TP73: variants seen among roughly 807,000 people sequenced by gnomAD.
The protein encoded by TP73 is p53-like transcription factor.
Under a neutral mutation model 62.5 loss-of-function variants are expected in TP73, and 25 were observed. The ratio of observed to expected loss-of-function variants is 0.40; its 90% CI spans 0.29 to 0.56. The LOEUF (loss-of-function observed/expected upper bound fraction) is 0.56, where lower values mean the gene tolerates loss of function less well. TP73 is among the 20% of genes least tolerant of loss of function. The pLI, the probability that TP73 is intolerant of heterozygous loss-of-function variation, is 0.46. For synonymous variants in TP73, 423 were observed against 377.5 expected, an observed-to-expected ratio of 1.12 and a Z score of -1.40; for missense variants, 754 against 913.3, an observed-to-expected ratio of 0.83 and a Z score of 2.25.
chr1:3,731,435 T>C (rs541106355), intron 12 of TP73, 28 bp from the exon 13 acceptor site: 5 of 1,603,552 alleles, frequency 3.1e-6, no homozygotes, highest in Admixed American at 1.7e-5. Context: ...AAGCTAATGC[T>C]GCTTCCTTTC....
rs1473763387 is a variant in TP73 at position 3,672,515 on chromosome 1, T to C, written c.-33-9818T>C. Among the ~76,000 whole-genome samples, 1 of 152,046 alleles carries C rather than the reference T, an allele frequency of 6.6e-6. No homozygotes were observed. Among genetic ancestry groups the C allele is most frequent in the Non-Finnish European group, 1.5e-5 (1 of 67,990 alleles). ...ACCTGCCCTGCTGAGGGCAGCGCTG[T>C]ACTCATCACCTGTGAACACAGGTAT... is the stretch of plus-strand genomic sequence containing the variant. On this transcript the variant is annotated intron_variant, in intron 1 of 13. Coordinates refer to ENST00000378295, the MANE Select transcript of TP73 (RefSeq NM_005427.4). This position sits in a 1 kb window ranked among gnomAD's most constrained non-coding sequence, Gnocchi z 5.3.
intron 3 of TP73, among the ~76,000 whole-genome samples, chr1:3,687,734 C>CA (rs1225005803): frequency 1.3e-5 from 2 of 152,132 alleles, no homozygotes; most frequent in Non-Finnish European, 2.9e-5. Flanking sequence ...GAGCCTCCTC[C>CA]AGGGCTGGCC....
intron 1 of TP73, among the ~76,000 whole-genome samples, chr1:3,677,057 T>TCAGA (rs1318333945): frequency 1.5e-4 from 23 of 152,074 alleles, no homozygotes; most frequent in Admixed American, 1.2e-3. Flanking sequence ...CGAGAAGTCA[T>TCAGA]CAGAGAGCCT....
intron 11 of TP73, 76 bp from the exon 12 acceptor site, chr1:3,730,851 G>A (rs1642080724): frequency 1.3e-6 from 2 of 1,494,650 alleles, no homozygotes; most frequent in Non-Finnish European, 1.8e-6. Context: ...GTCCAGAGGT[G>A]TCTGGAGCCT....
rs1276905108 is a variant in TP73 at position 3,707,707 on chromosome 1, C to T, written c.345C>T (p.Ile115=). The T allele has an allele frequency of 1.2e-6, 2 of 1,613,314 alleles. No homozygotes were observed. The highest frequency in any genetic ancestry group is 2.2e-5 in the South Asian group (2 of 91,086). Residue 115 remains isoleucine (I), a synonymous_variant, in exon 4 of 14, where the codon ATC becomes ATT. Transcript: ENST00000378295. ...ACACCATGTCGCCGGCGCCTGTCAT[C>T]CCCTCCAACACCGACTACCCCGGAC... is the stretch of plus-strand genomic sequence containing the variant. The part of the protein sequence containing the change: ...TFDTMSPAPV[I]PSNTDYPGPH...
At chr1:3,681,558 GGCAGTGGCCGGCT>G (rs1645521254) in intron 1 of TP73, among the ~76,000 whole-genome samples, 1 of 152,198 alleles carries the variant, frequency 6.6e-6, no homozygotes, top group Non-Finnish European at 1.5e-5. Context: ...TGACCACCCA[GGCAGTGGCCGGCT>G]GCAGGACAGG....
rs111753416 is a variant in TP73, at chr1:3,667,529, T to C, written c.-33-14804T>C. On this transcript the variant is annotated intron_variant, in intron 1 of 13. Transcript: ENST00000378295. ...ACTTTGGGAGGCCGAGGCGGGTGGA[T>C]CATGAGGTCAGAAGATTGAAACTAT... 2.3e-3 allele frequency among the ~76,000 whole-genome samples: 355 copies of C among 152,208 alleles called. 2 individuals are homozygous for C. Among genetic ancestry groups the C allele is most frequent in the African/African-American group, 8.2e-3 (340 of 41,558 alleles).
intron 3 of TP73, among the ~76,000 whole-genome samples, chr1:3,705,989 C>A (rs1639593059): frequency 6.6e-6 from 1 of 152,224 alleles, no homozygotes; most frequent in African/African-American, 2.4e-5. Flanking sequence ...CCCCTGCACC[C>A]TCCTGTGCGG....
chr1:3,730,039 G>A lies in TP73; in HGVS notation c.1236G>A (p.Ser412=), dbSNP rs375227747. The change falls in exon 11 of 14, where the codon TCG becomes TCA. Residue 412 remains serine, a synonymous_variant. Coordinates refer to ENST00000378295, the MANE Select transcript of TP73 (RefSeq NM_005427.4). ...LQPPSYGPVL[S]PMNKVHGGMN... is the part of the protein sequence containing the mutation. ...CCCCGTCCTACGGGCCGGTCCTCTC[G>A]CCCATGAACAAGGTGCACGGGGGCA... 62 of 1,609,734 alleles carry A rather than the reference G, an allele frequency of 3.9e-5. No homozygotes were observed. The highest frequency in any genetic ancestry group is 4.8e-5 in the Non-Finnish European group (56 of 1,178,322).
intron 1 of TP73, among the ~76,000 whole-genome samples, chr1:3,677,428 T>G (rs561651113): frequency 6.6e-6 from 1 of 152,220 alleles, no homozygotes; most frequent in South Asian, 2.1e-4. Context: ...TGGGGCAGGG[T>G]CGAGGTGCCC....
intron 4 of TP73, among the ~76,000 whole-genome samples, chr1:3,710,007 A>G (rs538363167): frequency 9.2e-5 from 14 of 152,138 alleles, no homozygotes; most frequent in Non-Finnish European, 1.6e-4. Flanking sequence ...AAGGGACTTC[A>G]TGGTTTTGTC....
At chr1:3,732,516 G>A (rs1485095884) in intron 13 of TP73, among the ~76,000 whole-genome samples, 1 of 152,160 alleles carries the variant, frequency 6.6e-6, no homozygotes, top group Non-Finnish European at 1.5e-5. Flanking sequence ...CTCCCCCAGG[G>A]CCAGGTAGAT....
intron 1 of TP73, among the ~76,000 whole-genome samples, chr1:3,656,018 A>G (rs1470325136): frequency 8.5e-5 from 13 of 152,214 alleles, no homozygotes; most frequent in Admixed American, 8.5e-4. Context: ...TCTACTAAAA[A>G]TACAAAAAAT....
rs1208999596 is a variant in TP73 at position 3,734,146 on chromosome 1, C to G, written c.*1067C>G. ...GCAGCTCCTCCCTTGCCACGGCCAC[C>G]TTCTCTAGCACTGCAAGGTCCACAG... is the stretch of plus-strand genomic sequence containing the variant. On this transcript the variant is annotated 3_prime_UTR_variant, in exon 14 of 14. Transcript: ENST00000378295. The surrounding 1 kb of genome is among the most constrained non-coding windows in gnomAD (Gnocchi z 4.4). The G allele has an allele frequency of 6.6e-6, 1 of 152,252 alleles. No homozygotes were observed. The highest frequency in any genetic ancestry group is 1.5e-5 in the Non-Finnish European group (1 of 68,104). 9.4% of individuals were successfully genotyped at this position (152,252 alleles called of 1,614,324 possible). A position where few individuals can be genotyped will look rare whatever the true frequency, so the allele number is the denominator to read the frequency against.
chr1:3,719,789 C>T lies in TP73; in HGVS notation c.430-2232C>T, dbSNP rs188166128. 3.9e-5 allele frequency among the ~76,000 whole-genome samples: 6 copies of T among 152,350 alleles called. No homozygotes were observed. In the South Asian group the frequency reaches 6.2e-4, roughly 16 times the overall value. On this transcript the variant is annotated intron_variant, in intron 4 of 13. Transcript: ENST00000378295. ...ACAACAAGGAGACTGCTGTACTTCC[C>T]GCTGTGCCCAAGCCTGCAGCTCCGA...
intron 4 of TP73, among the ~76,000 whole-genome samples, chr1:3,713,630 C>T (rs1640346346): frequency 6.6e-6 from 1 of 152,196 alleles, no homozygotes; most frequent in African/African-American, 2.4e-5. Context: ...AGACCCGGAC[C>T]CTGGAGGCCC....
At chr1:3,698,097 T>TC in intron 3 of TP73, 1 of 985,570 alleles carries the variant, frequency 1.0e-6, no homozygotes, top group Non-Finnish European at 1.2e-6. Context: ...TGTCAGTGTC[T>TC]CCAGCACAGC....
At position 3,695,665 on chromosome 1, in the gene TP73, C is replaced by T. The variant is rs546861283; in HGVS notation, c.187-11884C>T. On this transcript the variant is annotated intron_variant, in intron 3 of 13. Transcript: ENST00000378295. Reference sequence around the variant, plus strand: ...GGGCCTCCAGGACAGGGCCCTGGGGCGGGGGGAAGCCAATCAGTGCAGCAA... The same window carrying T: ...GGGCCTCCAGGACAGGGCCCTGGGGTGGGGGGAAGCCAATCAGTGCAGCAA... Among the ~76,000 whole-genome samples the T allele has an allele frequency of 7.7e-4, 117 of 152,354 alleles. 1 individual carries two copies. The highest frequency in any genetic ancestry group is 1.1e-3 in the Non-Finnish European group (76 of 68,026).
Position 3,658,840 on chromosome 1 carries a change from G to A in TP73, c.-34+6199G>A, listed in dbSNP as rs1240414711. On this transcript the variant is annotated intron_variant, in intron 1 of 13. Coordinates refer to ENST00000378295, the MANE Select transcript of TP73 (RefSeq NM_005427.4). The stretch of plus-strand genomic sequence containing the variant: ...GTCTCCTACAGTCATATTTTGGGGT[G>A]ACGTATTCTAGTCTCCTACAGTCAT... 9.4e-5 allele frequency: 9 copies of A among 96,214 alleles called. 1 individual carries two copies. The highest frequency in any genetic ancestry group is 9.2e-4 in the Admixed American group (9 of 9,732). 6.0% of individuals were successfully genotyped at this position (96,214 alleles called of 1,614,324 possible). A position where few individuals can be genotyped will look rare whatever the true frequency, so the allele number is the denominator to read the frequency against.
Sources: gnomAD v4.1 joint callset for allele counts (sites outside exome capture counted in the v4.1 genomes callset) on GRCh38, gnomAD v4.1.1 for gene constraint, Gnocchi (gnomAD v3.1) non-coding constraint, MANE v1.5 for transcripts, NCBI Gene and HGNC (gene_info 2026-07-23, HGNC 2026-07-21) for gene names.